PRDM10: variants seen among roughly 807,000 people sequenced by gnomAD.
PRDM10 encodes PR/SET domain 10, also known as PR domain zinc finger protein 10.
A neutral mutation model predicts 133.1 loss-of-function variants in PRDM10; 65 were observed. The observed-to-expected ratio is 0.49, with a 90% CI of 0.40 to 0.60. The LOEUF (loss-of-function observed/expected upper bound fraction) is 0.60, where lower values mean the gene tolerates loss of function less well. Among genes scored for constraint, PRDM10 ranks in the 20% least tolerant of loss-of-function variants. The pLI, the probability that PRDM10 is intolerant of heterozygous loss-of-function variation, is 0.00. For missense variants in PRDM10, 1,137 were observed against 1,507.1 expected (o/e 0.75, Z 4.07); for synonymous variants, 582 against 580.4 (o/e 1.00, Z -0.04).
At chr11:129,938,406 T>C (rs1308447343) in intron 7 of PRDM10, among the ~76,000 whole-genome samples, 1 of 152,224 alleles carries the variant, frequency 6.6e-6, no homozygotes, top group African/African-American at 2.4e-5. Context: ...TCTTGATGAA[T>C]ACCTTCCACC....
chr11:129,903,300 A>AAAT (rs55765531), intron 20 of PRDM10, among the ~76,000 whole-genome samples: 2,483 of 137,970 alleles, frequency 0.018, 40 homozygotes, highest in African/African-American at 0.04. Context: ...CTCCGTCTCA[A>AAAT]AATAATAATA....
rs1951387139 is a variant in PRDM10, at chr11:129,945,780, T to G, written c.521-768A>C. Among the ~76,000 whole-genome samples, 1 of 152,214 alleles carries G rather than the reference T, an allele frequency of 6.6e-6. No individual in the cohort carries two copies. The highest frequency in any genetic ancestry group is 1.5e-5 in the Non-Finnish European group (1 of 68,044). The stretch of plus-strand genomic sequence containing the variant: ...CCACACAGGCCATGCCCACAACCCT[T>G]AACACACTTAACATGCTTTACCTTA... On this transcript the variant is annotated intron_variant, in intron 5 of 20. Coordinates refer to ENST00000360871, the MANE Select transcript of PRDM10 (RefSeq NM_199437.2). This position sits in a 1 kb window ranked among gnomAD's most constrained non-coding sequence, Gnocchi z 4.2.
In PRDM10 at chr11:129,931,244, A is replaced by T; in HGVS notation, c.1302T>A (p.Phe434Leu). The T allele has an allele frequency of 6.2e-7, 1 of 1,613,480 alleles. No individual in the cohort carries two copies. Among genetic ancestry groups the T allele is most frequent in the Non-Finnish European group, 8.5e-7 (1 of 1,179,636 alleles). Reference sequence around the variant, plus strand: ...CCTCATCAAATTGCTCCTTTGTGGGAAAATGTAGCAAGTCCTGAAATTTGC... The same window carrying T: ...CCTCATCAAATTGCTCCTTTGTGGGTAAATGTAGCAAGTCCTGAAATTTGC... ...SDDGTQDLLH[F>L]PTKEQFDEAE... Residue 434 changes from phenylalanine (F) to leucine (L), a missense_variant, in exon 11 of 21, where the codon TTT becomes TTA. Coordinates refer to ENST00000360871, the MANE Select transcript of PRDM10 (RefSeq NM_199437.2).
chr11:129,966,289 G>T (rs1951906277), intron 1 of PRDM10, among the ~76,000 whole-genome samples: 1 of 152,202 alleles, frequency 6.6e-6, no homozygotes, highest in Non-Finnish European at 1.5e-5. Context: ...TACCTGCCCT[G>T]CATGGTTGCT....
rs778292819 is a variant in PRDM10 at position 129,942,567 on chromosome 11, C to T, written c.825G>A (p.Leu275=). 1 of 1,609,904 alleles carries T rather than the reference C, an allele frequency of 6.2e-7. No homozygotes were observed. Among genetic ancestry groups the T allele is most frequent in the Non-Finnish European group, 8.5e-7 (1 of 1,177,964 alleles). ...TCCAGTTACAAAGCGTCTCATCAGA[C>T]AACTCAAACCATAGGTCTTCATGTA... ...RDLHEDLWFE[L]SDETLCNWMM... Residue 275 remains leucine (L), a synonymous_variant, in exon 7 of 21, where the codon TTG becomes TTA. Transcript: ENST00000360871.
chr11:129,952,810 G>A (rs374181463), intron 4 of PRDM10, among the ~76,000 whole-genome samples: 11 of 151,866 alleles, frequency 7.2e-5, no homozygotes, highest in Admixed American at 3.3e-4. Context: ...GTGATTCGCC[G>A]TGCCTGGCCA....
chr11:129,926,301 C>T (rs1005988216), intron 11 of PRDM10, among the ~76,000 whole-genome samples: 3 of 152,284 alleles, frequency 2.0e-5, no homozygotes, highest in South Asian at 2.1e-4. Context: ...TCACCTCACA[C>T]AGAGAATGCA....
intron 7 of PRDM10, 146 bp from the exon 8 acceptor site, chr11:129,937,816 C>T (rs1951081003): frequency 1.6e-6 from 1 of 622,718 alleles, no homozygotes; most frequent in Non-Finnish European, 2.7e-6. Flanking sequence ...CTGTGAGCTC[C>T]CCTTGCAATA....
At chr11:129,941,507 G>A (rs1288298107) in intron 7 of PRDM10, among the ~76,000 whole-genome samples, 1 of 152,194 alleles carries the variant, frequency 6.6e-6, no homozygotes, top group Admixed American at 6.5e-5. Flanking sequence ...ACTATGGAGT[G>A]TGTAAATGAA....
At chr11:129,951,518 C>G (rs1169717860) in intron 4 of PRDM10, among the ~76,000 whole-genome samples, 1 of 152,196 alleles carries the variant, frequency 6.6e-6, no homozygotes, top group Non-Finnish European at 1.5e-5. Context: ...TGCATTTTGT[C>G]ATGTACAATA....
At chr11:129,988,522 G>A (rs943175709) in intron 1 of PRDM10, among the ~76,000 whole-genome samples, 13 of 151,414 alleles carry the variant, frequency 8.6e-5, no homozygotes, top group South Asian at 2.1e-4. Flanking sequence ...ATAAATCACC[G>A]CACTTGGCTG....
At chr11:129,993,637 A>AC in intron 1 of PRDM10, among the ~76,000 whole-genome samples, 1 of 152,102 alleles carries the variant, frequency 6.6e-6, no homozygotes, top group East Asian at 1.9e-4. Flanking sequence ...GGCACCCGCC[A>AC]CCACACCTGG....
chr11:129,962,084 CT>C (rs1386723297), intron 1 of PRDM10, among the ~76,000 whole-genome samples: 2 of 152,140 alleles, frequency 1.3e-5, no homozygotes, highest in Admixed American at 6.5e-5. Flanking sequence ...CAAATACAAA[CT>C]TTTTTTCTCA....
intron 18 of PRDM10, among the ~76,000 whole-genome samples, 178 bp from the exon 19 acceptor site, chr11:129,910,834 C>T (rs763620945): frequency 4.6e-5 from 7 of 152,024 alleles, no homozygotes; most frequent in Non-Finnish European, 7.4e-5. Flanking sequence ...TGGAGTGCAA[C>T]GGCATGATCT....
intron 10 of PRDM10, 143 bp downstream of exon 10, chr11:129,931,959 A>G: frequency 9.0e-7 from 1 of 1,108,130 alleles, no homozygotes; most frequent in Non-Finnish European, 1.3e-6. Context: ...GCATTATCCA[A>G]TCATTCTTTA....
intron 8 of PRDM10, among the ~76,000 whole-genome samples, chr11:129,936,563 G>C (rs1462296294): frequency 1.3e-5 from 2 of 152,082 alleles, no homozygotes; most frequent in African/African-American, 4.8e-5. Flanking sequence ...TGAGGCAGGA[G>C]AATGGCGTGA....
intron 1 of PRDM10, among the ~76,000 whole-genome samples, chr11:129,981,497 T>C (rs761501523): frequency 2.4e-4 from 36 of 152,200 alleles, no homozygotes; most frequent in Non-Finnish European, 4.3e-4. Flanking sequence ...TATAGAAATA[T>C]ACTTTAACTT....
At chr11:129,916,227 G>A (rs943212373) in intron 15 of PRDM10, among the ~76,000 whole-genome samples, 6 of 152,172 alleles carry the variant, frequency 3.9e-5, no homozygotes, top group African/African-American at 1.4e-4. Flanking sequence ...CTCATATGAT[G>A]TACGCAGCTG....
intron 6 of PRDM10, 51 bp from the exon 7 acceptor site, chr11:129,942,680 G>A (rs779904830): frequency 6.8e-7 from 1 of 1,469,338 alleles, no homozygotes; most frequent in Admixed American, 1.9e-5. Context: ...TTCAATATGA[G>A]ACACATTTTA....
Sources: allele counts gnomAD v4.1 joint callset (sites outside exome capture counted in the v4.1 genomes callset), GRCh38; gene constraint gnomAD v4.1.1; non-coding constraint Gnocchi (gnomAD v3.1); transcripts MANE v1.5; gene names NCBI Gene and HGNC (gene_info 2026-07-23, HGNC 2026-07-21).